TTC12: variants seen among roughly 807,000 people sequenced by gnomAD.
TTC12 encodes the protein tetratricopeptide repeat domain 12.
Under a neutral mutation model 90.1 loss-of-function variants are expected in TTC12, and 70 were observed. That is an observed-to-expected ratio of 0.78 (90% confidence interval 0.64 to 0.95). The LOEUF is 0.95. Among genes scored for constraint, TTC12 ranks in the 40% least tolerant of loss-of-function variants. The pLI, the probability that TTC12 is intolerant of heterozygous loss-of-function variation, is 0.00. For missense variants in TTC12, 819 were observed against 846.1 expected, an observed-to-expected ratio of 0.97 and a Z score of 0.40; for synonymous variants, 296 against 311.5, an observed-to-expected ratio of 0.95 and a Z score of 0.53.
chr11:113,357,084 T>C (rs1949675857), intron 16 of TTC12, among the ~76,000 whole-genome samples: 1 of 152,238 alleles, frequency 6.6e-6, no homozygotes, highest in Non-Finnish European at 1.5e-5. Context: ...TTGGGGCTCT[T>C]TACATAATTC....
chr11:113,325,018 G>A (rs1555140467), intron 5 of TTC12, among the ~76,000 whole-genome samples: 1 of 152,104 alleles, frequency 6.6e-6, no homozygotes, highest in African/African-American at 2.4e-5. Context: ...AGGCATAGAT[G>A]AAGAAGTGGA....
intron 3 of TTC12, 144 bp from the exon 4 acceptor site, chr11:113,323,850 A>G (rs1294619752): frequency 6.3e-6 from 4 of 635,194 alleles, no homozygotes; most frequent in Non-Finnish European, 1.1e-5. Context: ...AGCAAGCCCC[A>G]TGAATTCTGA....
In TTC12 at chr11:113,327,913, G is replaced by A. The variant is rs115431242; in HGVS notation, c.445-2007G>A. Among the ~76,000 whole-genome samples the A allele has an allele frequency of 6.1e-3, 930 of 152,312 alleles. 12 individuals carry two copies. Among genetic ancestry groups the A allele is most frequent in the African/African-American group, 0.021 (892 of 41,566 alleles). On this transcript the variant is annotated intron_variant, in intron 6 of 21. Coordinates refer to ENST00000529221, the MANE Select transcript of TTC12 (RefSeq NM_017868.4). ...TGAAAGCACCACTCGCAGCTTCCTT[G>A]CTATGGGAGCCAAGAGCGGCATGAT...
intron 12 of TTC12, among the ~76,000 whole-genome samples, chr11:113,342,571 A>G (rs1555146523): frequency 6.6e-6 from 1 of 152,192 alleles, no homozygotes; most frequent in Admixed American, 6.5e-5. Flanking sequence ...AATGATAGCT[A>G]TGTCTCCTTT....
At chr11:113,361,713 A>T (rs1949938791) in intron 18 of TTC12, among the ~76,000 whole-genome samples, 1 of 152,224 alleles carries the variant, frequency 6.6e-6, no homozygotes, top group Non-Finnish European at 1.5e-5. Flanking sequence ...CCATAAACAT[A>T]GCATGCCCAA....
At chr11:113,344,687 A>C (rs1197638547) in intron 13 of TTC12, among the ~76,000 whole-genome samples, 1 of 152,224 alleles carries the variant, frequency 6.6e-6, no homozygotes, top group Admixed American at 6.5e-5. Flanking sequence ...TGCAAATGGC[A>C]GTGCTTCCGT....
chr11:113,362,369 A>G lies in TTC12; in HGVS notation c.1615-32A>G, dbSNP rs1051807774. On this transcript the variant is annotated intron_variant, in intron 18 of 21. Coordinates refer to ENST00000529221, the MANE Select transcript of TTC12 (RefSeq NM_017868.4). ...AAGGTTGTCAGCATTTCTGAAAAGG[A>G]CATTTAATTATCCTCTTTCTGCTGT... 3.3e-6 allele frequency: 5 copies of G among 1,510,040 alleles called. No individual in the cohort carries two copies. The Admixed American group carries it at 8.5e-5, about 26-fold the overall frequency. The allele number at this position is 1,510,040 out of a possible 1,614,324, so 93.5% of individuals were successfully genotyped here.
intron 8 of TTC12, among the ~76,000 whole-genome samples, chr11:113,336,906 G>A (rs545500227): frequency 4.9e-4 from 74 of 152,108 alleles, no homozygotes; most frequent in Admixed American, 7.9e-4. Flanking sequence ...AATTTTGATG[G>A]GTATTACATG....
intron 8 of TTC12, among the ~76,000 whole-genome samples, chr11:113,337,731 T>A (rs1176927049): frequency 6.6e-6 from 1 of 152,158 alleles, no homozygotes; most frequent in Admixed American, 6.5e-5. Context: ...ATGCCGAGCA[T>A]GTGTTTTGGC....
At chr11:113,364,565 T>C (rs1467345353) in intron 20 of TTC12, 1 of 466,906 alleles carries the variant, frequency 2.1e-6, no homozygotes, top group African/African-American at 2.0e-5. Flanking sequence ...GACAGACCTG[T>C]CTGACACACA....
chr11:113,364,793 G>A (rs746274310), intron 20 of TTC12, 42 bp from the exon 21 acceptor site: 8 of 1,556,622 alleles, frequency 5.1e-6, no homozygotes, highest in Non-Finnish European at 7.1e-6. Flanking sequence ...TCCTATTTTG[G>A]GATTAAAAGG....
chr11:113,335,014 C>G lies in TTC12; in HGVS notation c.553C>G (p.Leu185Val), dbSNP rs1948283849. The G allele has an allele frequency of 1.2e-6, 2 of 1,613,668 alleles. No homozygotes were observed. The highest frequency in any genetic ancestry group is 1.7e-6 in the Non-Finnish European group (2 of 1,179,738). ...ATATTTTCACATGGGAAAAGCCAAC[C>G]TGGCCCTGAAGAACTACAGTGTGGT... ...KAYFHMGKAN[L>V]ALKNYSVSRE... The change falls in exon 8 of 22, where the codon CTG becomes GTG. Residue 185 changes from leucine to valine, a missense_variant. Leu to Val is a conservative substitution (Grantham distance 32). Coordinates refer to ENST00000529221, the MANE Select transcript of TTC12 (RefSeq NM_017868.4).
chr11:113,367,950 A>G (rs1312731785), downstream of TTC12, among the ~76,000 whole-genome samples: 3 of 152,224 alleles, frequency 2.0e-5, no homozygotes, highest in Non-Finnish European at 2.9e-5. Context: ...TCAGAGCACA[A>G]AGAAGAAAAT....
chr11:113,364,797 T>G, intron 20 of TTC12, 38 bp from the exon 21 acceptor site: 1 of 1,576,408 alleles, frequency 6.3e-7, no homozygotes, highest in Non-Finnish European at 8.7e-7. Flanking sequence ...ATTTTGGGAT[T>G]AAAAGGAGCT....
In TTC12 at chr11:113,323,316, T is replaced by A; in HGVS notation, c.87T>A (p.Asp29Glu). 1 of 1,604,884 alleles carries A rather than the reference T, an allele frequency of 6.2e-7. No homozygotes were observed. The highest frequency in any genetic ancestry group is 8.5e-7 in the Non-Finnish European group (1 of 1,177,476). Residue 29 changes from aspartate to glutamate, a missense_variant, in exon 3 of 22, where the codon GAT becomes GAA. Transcript: ENST00000529221. ...ATTTAATTCAGGAGATGAATTCTGA[T>A]GACCCAGTTGTGCAACAGAAAGCTG... ...ISNLIQEMNS[D>E]DPVVQQKAVL...
intron 8 of TTC12, 73 bp from the exon 9 acceptor site, chr11:113,338,701 A>C: frequency 8.3e-7 from 1 of 1,201,574 alleles, no homozygotes; most frequent in Non-Finnish European, 1.2e-6. Flanking sequence ...AGCCAAGCCC[A>C]ATGACACCCA....
chr11:113,365,026 A>G lies in TTC12; in HGVS notation c.2008A>G (p.Ile670Val). ...QKTAVQVNAG[I>V]ALGKLCTAEP... ...GACGGCCGTGCAGGTGAACGCAGGC[A>G]TTGCTCTGGGGAAGCTGTGCACAGC... The change falls in exon 21 of 22, where the codon ATT becomes GTT. Residue 670 changes from isoleucine (I) to valine (V), a missense_variant. Ile to Val is a conservative substitution (Grantham distance 29, BLOSUM62 3). Transcript: ENST00000529221. The G allele has an allele frequency of 6.2e-7, 1 of 1,614,110 alleles. No individual in the cohort carries two copies.
At chr11:113,362,290 TTGCTTCCAATATAA>T (rs1949979561) in intron 18 of TTC12, 97 bp from the exon 19 acceptor site, 1 of 713,332 alleles carries the variant, frequency 1.4e-6, no homozygotes, top group African/African-American at 1.8e-5. Context: ...TTTTTATATT[TTGCTTCCAATATAA>T]TGATTGCTTT....
chr11:113,341,481 G>A (rs781899646), intron 11 of TTC12, among the ~76,000 whole-genome samples: 1 of 152,202 alleles, frequency 6.6e-6, no homozygotes, highest in Non-Finnish European at 1.5e-5. Flanking sequence ...TAAAGTGACT[G>A]TATTTTCATT....
Sources: gnomAD v4.1 joint callset for allele counts (sites outside exome capture counted in the v4.1 genomes callset) on GRCh38, gnomAD v4.1.1 for gene constraint, MANE v1.5 for transcripts, NCBI Gene and HGNC (gene_info 2026-07-23, HGNC 2026-07-21) for gene names.